PTPRT: variants seen among roughly 807,000 people sequenced by gnomAD.
The protein encoded by PTPRT is protein tyrosine phosphatase receptor type T.
A neutral mutation model predicts 176.8 loss-of-function variants in PTPRT; 56 were observed. The ratio of observed to expected loss-of-function variants is 0.32; its 90% confidence interval spans 0.26 to 0.40. The LOEUF (loss-of-function observed/expected upper bound fraction) is 0.40, where lower values mean the gene tolerates loss of function less well. Among genes scored for constraint, PTPRT ranks in the 10% least tolerant of loss-of-function variants. The probability of loss-of-function intolerance (pLI) is 1.00; values close to 1 mark genes in which losing one functional copy is unlikely to be tolerated. For missense variants in PTPRT, 1,540 were observed against 1,908.2 expected, an observed-to-expected ratio of 0.81 and a Z score of 3.60; for synonymous variants, 783 against 739.0, an observed-to-expected ratio of 1.06 and a Z score of -0.96.
chr20:42,691,186 A>G (rs1321432252), intron 6 of PTPRT, among the ~76,000 whole-genome samples: 2 of 152,236 alleles, frequency 1.3e-5, no homozygotes, highest in East Asian at 3.8e-4. Context: ...TTCAGAAAGC[A>G]CTGGAGGAAA....
Position 42,696,458 on chromosome 20 carries a change from A to ATTTTT in PTPRT, c.860-18304_860-18300dup, listed in dbSNP as rs3091864. ...AAGCCTTCCAATAGCCACATGAATT[A>ATTTTT]TTTTTTTTTTTTTTTGAGACAGAGC... On this transcript the variant is annotated intron_variant, in intron 6 of 30. Coordinates refer to ENST00000373187, the MANE Select transcript of PTPRT (RefSeq NM_007050.6). 8.4e-5 allele frequency among the ~76,000 whole-genome samples: 7 copies of ATTTTT among 83,418 alleles called. No homozygotes were observed. The East Asian group carries it at 1.5e-3, about 18-fold the overall frequency. 54.7% of individuals were successfully genotyped at this position (83,418 alleles called of 152,430 possible).
chr20:42,867,364 A>G (rs1334421660), intron 2 of PTPRT, among the ~76,000 whole-genome samples: 2 of 124,712 alleles, frequency 1.6e-5, no homozygotes, highest in Non-Finnish European at 3.5e-5. Context: ...ACTTCTGTTC[A>G]TTTCTTCTAT....
At chr20:42,929,917 A>G (rs2145970259) in intron 1 of PTPRT, among the ~76,000 whole-genome samples, 1 of 152,344 alleles carries the variant, frequency 6.6e-6, no homozygotes, top group East Asian at 1.9e-4. Flanking sequence ...ACTATTGATT[A>G]CTAAATGGGT....
intron 7 of PTPRT, among the ~76,000 whole-genome samples, chr20:42,486,839 A>G (rs2071472558): frequency 6.6e-6 from 1 of 152,104 alleles, no homozygotes; most frequent in Non-Finnish European, 1.5e-5. Context: ...AAGCCAACCC[A>G]TGTAGGAGCT....
intron 9 of PTPRT, among the ~76,000 whole-genome samples, chr20:42,363,300 A>ATATATTTT (rs1248285783): frequency 3.3e-5 from 1 of 30,560 alleles, no homozygotes; most frequent in African/African-American, 1.7e-4. Flanking sequence ...ATATATATAT[A>ATATATTTT]TTTTTTTTTT....
At chr20:42,437,017 A>G (rs2059267957) in intron 9 of PTPRT, among the ~76,000 whole-genome samples, 1 of 152,232 alleles carries the variant, frequency 6.6e-6, no homozygotes, top group Non-Finnish European at 1.5e-5. Context: ...AACTATATAA[A>G]ATATACAGGA....
chr20:42,444,651 T>C (rs1018380281), intron 9 of PTPRT, among the ~76,000 whole-genome samples: 2 of 152,182 alleles, frequency 1.3e-5, no homozygotes, highest in South Asian at 2.1e-4. Flanking sequence ...AGGTTGTATA[T>C]AGAAGGCCAC....
At chr20:42,568,078 C>T (rs1367487477) in intron 7 of PTPRT, among the ~76,000 whole-genome samples, 1 of 151,816 alleles carries the variant, frequency 6.6e-6, no homozygotes, top group Admixed American at 6.6e-5. Context: ...CAAGCAATTC[C>T]CTGCCTCAGG....
chr20:43,137,126 C>T (rs755740418), intron 1 of PTPRT, among the ~76,000 whole-genome samples: 2 of 152,226 alleles, frequency 1.3e-5, no homozygotes, highest in Non-Finnish European at 2.9e-5. Flanking sequence ...TCCTAACCAA[C>T]CCTTAGACAT....
chr20:42,104,994 T>G (rs1236063290), intron 24 of PTPRT, among the ~76,000 whole-genome samples: 1 of 152,140 alleles, frequency 6.6e-6, no homozygotes. Context: ...GCGCTCTTGG[T>G]GTCCAGCCCA....
chr20:43,025,420 G>T (rs571289297), intron 1 of PTPRT, among the ~76,000 whole-genome samples: 18 of 152,164 alleles, frequency 1.2e-4, no homozygotes, highest in African/African-American at 4.3e-4. Context: ...GCAGCACTTT[G>T]GCTTGTGTGG....
At chr20:42,922,657 T>G (rs947266417) in intron 1 of PTPRT, among the ~76,000 whole-genome samples, 3 of 152,202 alleles carry the variant, frequency 2.0e-5, no homozygotes, top group African/African-American at 7.2e-5. Context: ...TACACACTTT[T>G]GAGTAGAATT....
At chr20:42,534,497 A>T (rs1449605147) in intron 7 of PTPRT, among the ~76,000 whole-genome samples, 4 of 152,094 alleles carry the variant, frequency 2.6e-5, no homozygotes, top group African/African-American at 9.7e-5. Flanking sequence ...TTAGCCGGGC[A>T]TGGTGGCGAG....
intron 6 of PTPRT, among the ~76,000 whole-genome samples, chr20:42,692,912 C>G (rs774907961): frequency 6.6e-6 from 1 of 152,034 alleles, no homozygotes; most frequent in Middle Eastern, 3.2e-3. Context: ...AAGGAGTAGT[C>G]GACTGGGAAG....
intron 2 of PTPRT, among the ~76,000 whole-genome samples, chr20:42,809,407 G>A (rs1248035305): frequency 6.6e-6 from 1 of 152,206 alleles, no homozygotes; most frequent in Non-Finnish European, 1.5e-5. Flanking sequence ...TGGGTGAGAA[G>A]GGCACTGAGA....
At chr20:42,754,898 A>G (rs1049946021) in intron 6 of PTPRT, among the ~76,000 whole-genome samples, 1 of 152,194 alleles carries the variant, frequency 6.6e-6, no homozygotes, top group African/African-American at 2.4e-5. Context: ...CATATGGTTT[A>G]GCAAACTGAG....
At chr20:43,097,991 C>T (rs940833350) in intron 1 of PTPRT, among the ~76,000 whole-genome samples, 2 of 152,118 alleles carry the variant, frequency 1.3e-5, no homozygotes, top group African/African-American at 4.8e-5. Flanking sequence ...CCGAAGATGA[C>T]CCCCAGGCTA....
At chr20:43,127,422 C>CAAAAA (rs35897839) in intron 1 of PTPRT, among the ~76,000 whole-genome samples, 1 of 101,356 alleles carries the variant, frequency 9.9e-6, no homozygotes, top group Admixed American at 1.0e-4. Context: ...GACTCCATCT[C>CAAAAA]AAAAAAAAAA....
intron 1 of PTPRT, among the ~76,000 whole-genome samples, chr20:43,184,460 G>A (rs1019205512): frequency 3.9e-5 from 6 of 152,108 alleles, no homozygotes; most frequent in Admixed American, 1.3e-4. Flanking sequence ...AGGTCGAGGC[G>A]GGAGGATCAC....
Sources: allele counts gnomAD v4.1 joint callset (sites outside exome capture counted in the v4.1 genomes callset), GRCh38; gene constraint gnomAD v4.1.1; transcripts MANE v1.5; gene names NCBI Gene and HGNC (gene_info 2026-07-23, HGNC 2026-07-21).